Variants in UGT1A5 observed in about 807,000 individuals in gnomAD.
UGT1A5 encodes the protein UDP-glucuronosyltransferase 1A5.
UGT1A5 carries 29 observed loss-of-function variants against 40.3 expected under a neutral mutation model. That is an observed-to-expected ratio of 0.72 (90% CI 0.54 to 0.98). UGT1A5 has a LOEUF of 0.98. Among genes scored for constraint, UGT1A5 ranks in the 50% least tolerant of loss-of-function variants. The pLI is 0.00. For synonymous variants in UGT1A5, 257 were observed against 262.5 expected (o/e 0.98, Z 0.20); for missense variants, 678 against 677.9 (o/e 1.00, Z 0.00).
At chr2:233,762,352 C>T (rs1368513264) in intron 1 of UGT1A5, among the ~76,000 whole-genome samples, 3 of 152,200 alleles carry the variant, frequency 2.0e-5, no homozygotes, top group South Asian at 2.1e-4. Flanking sequence ...GTTCTTTGTA[C>T]TCCAGCTATT....
In UGT1A5 at chr2:233,713,839, A is replaced by G. The variant is rs1333546186; in HGVS notation, c.848A>G (p.Asn283Ser). Residue 283 changes from asparagine to serine, a missense_variant, in exon 1 of 5, where the codon AAC becomes AGC. Asn to Ser is a conservative substitution (Grantham distance 46). Transcript: ENST00000373414. The stretch of plus-strand genomic sequence containing the variant: ...TTCATTGGGGGCATCAACTGTGCCA[A>G]CGGGAAGCCACTATCTCAGGTCTGT... ...MVFIGGINCA[N>S]GKPLSQEFEA... The G allele has an allele frequency of 1.2e-6, 2 of 1,613,942 alleles. No individual in the cohort carries two copies. Among genetic ancestry groups the G allele is most frequent in the Non-Finnish European group, 8.5e-7 (1 of 1,179,968 alleles).
intron 1 of UGT1A5, among the ~76,000 whole-genome samples, chr2:233,739,434 A>G (rs369218024): frequency 2.4e-4 from 37 of 152,256 alleles, no homozygotes; most frequent in African/African-American, 8.2e-4. Context: ...CGAGGGCTTT[A>G]CCCTGCAAAG....
chr2:233,714,781 C>T (rs2076411817), intron 1 of UGT1A5, among the ~76,000 whole-genome samples: 1 of 152,136 alleles, frequency 6.6e-6, no homozygotes, highest in Non-Finnish European at 1.5e-5. Flanking sequence ...TTTGGAATAG[C>T]CACATTTCAA....
Position 233,752,817 on chromosome 2 carries a change from T to G in UGT1A5, c.868-14217T>G, listed in dbSNP as rs569255624. On this transcript the variant is annotated intron_variant, in intron 1 of 4. Transcript: ENST00000373414. ...CTTCTGTAGAAGGAACACTTCCCAT[T>G]TATGACATCAGTAATCTAGGATATA... Among the ~76,000 whole-genome samples the G allele has an allele frequency of 2.6e-5, 4 of 152,306 alleles. No individual in the cohort carries two copies. The East Asian group carries it at 7.7e-4, about 29-fold the overall frequency.
At chr2:233,767,659 C>G (rs975874168) in intron 2 of UGT1A5, among the ~76,000 whole-genome samples, 190 bp from the exon 3 acceptor site, 4 of 152,186 alleles carry the variant, frequency 2.6e-5, no homozygotes, top group African/African-American at 9.7e-5. Context: ...TGCATACACC[C>G]TTGTAACTAA....
intron 1 of UGT1A5, chr2:233,729,054 A>G (rs1209768756): frequency 1.2e-6 from 2 of 1,609,876 alleles, no homozygotes; most frequent in Admixed American, 3.3e-5. Context: ...TGACAAGGTA[A>G]TTAAGATGAA....
chr2:233,730,285 A>G (rs2078010398), intron 1 of UGT1A5, among the ~76,000 whole-genome samples: 1 of 152,170 alleles, frequency 6.6e-6, no homozygotes, highest in Admixed American at 6.5e-5. Context: ...CACCATCTTC[A>G]TGGTTGTGCA....
At chr2:233,719,656 T>G in intron 1 of UGT1A5, 1 of 1,614,106 alleles carries the variant, frequency 6.2e-7, no homozygotes, top group Non-Finnish European at 8.5e-7. Flanking sequence ...ATTGGGGGCA[T>G]CAACTGTGCC....
At chr2:233,717,463 G>T (rs374557809) in intron 1 of UGT1A5, among the ~76,000 whole-genome samples, 2 of 152,198 alleles carry the variant, frequency 1.3e-5, no homozygotes, top group African/African-American at 4.8e-5. Context: ...CCTGTCCCAT[G>T]GGTTGTGTCC....
chr2:233,770,422 G>A (rs995965680), intron 4 of UGT1A5: 1 of 152,196 alleles, frequency 6.6e-6, no homozygotes, highest in Non-Finnish European at 1.5e-5. Flanking sequence ...GGGAGGCCGA[G>A]GCAGGTGGAT....
At chr2:233,724,549 A>G (rs2077280351) in intron 1 of UGT1A5, among the ~76,000 whole-genome samples, 1 of 120,476 alleles carries the variant, frequency 8.3e-6, no homozygotes, top group Non-Finnish European at 1.7e-5. Flanking sequence ...GGCGCTCCTC[A>G]CATCCCAGAT....
chr2:233,767,823 C>T (rs763238770), intron 2 of UGT1A5, 26 bp from the exon 3 acceptor site: 36 of 1,614,026 alleles, frequency 2.2e-5, no homozygotes, highest in Non-Finnish European at 2.7e-5. Context: ...TCTTTCTTTA[C>T]GTTCTGCTCT....
At chr2:233,725,941 G>A (rs1261379461) in intron 1 of UGT1A5, among the ~76,000 whole-genome samples, 2 of 152,166 alleles carry the variant, frequency 1.3e-5, no homozygotes, top group East Asian at 3.8e-4. Flanking sequence ...TGATGCAGGA[G>A]GATTGTTTGA....
chr2:233,755,170 T>C (rs1240762958), intron 1 of UGT1A5: 2 of 1,262,070 alleles, frequency 1.6e-6, no homozygotes, highest in Non-Finnish European at 2.2e-6. Context: ...TCGGGGTTTT[T>C]GTCGGGGTGC....
At chr2:233,765,980 C>T (rs987100848) in intron 1 of UGT1A5, among the ~76,000 whole-genome samples, 1 of 152,096 alleles carries the variant, frequency 6.6e-6, no homozygotes, top group African/African-American at 2.4e-5. Flanking sequence ...ATGTTTACAG[C>T]TCCTGAAGCT....
At chr2:233,755,683 G>C (rs1398080072) in intron 1 of UGT1A5, 1 of 157,220 alleles carries the variant, frequency 6.4e-6, no homozygotes, top group Non-Finnish European at 1.4e-5. Context: ...AGTGAGTTTA[G>C]TCTGACCGGG....
intron 1 of UGT1A5, among the ~76,000 whole-genome samples, chr2:233,766,527 C>T (rs182363342): frequency 4.6e-5 from 7 of 152,118 alleles, no homozygotes; most frequent in Non-Finnish European, 7.3e-5. Context: ...AACATTTAGG[C>T]AGGAAAACAA....
intron 1 of UGT1A5, among the ~76,000 whole-genome samples, chr2:233,762,019 A>G (rs1021587184): frequency 2.6e-5 from 4 of 151,988 alleles, no homozygotes; most frequent in South Asian, 2.1e-4. Context: ...TGTGATTTGT[A>G]TTTTATTTTT....
chr2:233,719,161 T>C, intron 1 of UGT1A5: 2 of 1,614,250 alleles, frequency 1.2e-6, no homozygotes, highest in Non-Finnish European at 1.7e-6. Flanking sequence ...TCTAGAAGTA[T>C]GGCAATTATG....
Sources: gnomAD v4.1 joint callset for allele counts (sites outside exome capture counted in the v4.1 genomes callset) on GRCh38, gnomAD v4.1.1 for gene constraint, MANE v1.5 for transcripts, NCBI Gene and HGNC (gene_info 2026-07-23, HGNC 2026-07-21) for gene names.